Variants in PSG11 observed in about 807,000 individuals in gnomAD.
PSG11 encodes pregnancy specific beta-1-glycoprotein 11, also known as pregnancy-specific beta-1-glycoprotein 11.
In PSG11, 42 loss-of-function variants were observed where a neutral mutation model predicts 36.0. The ratio of observed to expected loss-of-function variants is 1.17; its 90% CI spans 0.91 to 1.51. The LOEUF is 1.51. PSG11 is among the 40% of genes most tolerant of loss of function. The pLI is 0.00. For missense variants in PSG11, 558 were observed against 403.5 expected (o/e 1.38, Z -3.28); for synonymous variants, 206 against 153.5 (o/e 1.34, Z -2.53).
Position 43,026,419 on chromosome 19 carries a change from T to C in PSG11, c.-47A>G. 1 of 1,597,182 alleles carries C rather than the reference T, an allele frequency of 6.3e-7. No homozygotes were observed. Among genetic ancestry groups the C allele is most frequent in the Non-Finnish European group, 8.6e-7 (1 of 1,169,480 alleles). ...CTCCTCTGTGGAGATGAGCCTAGGA[T>C]CCAGAAGCTTCCAGAGCACGGCTGT... On this transcript the variant is annotated 5_prime_UTR_variant, in exon 1 of 6. Transcript: ENST00000320078.
At chr19:43,009,275 T>G (rs1297528246) in intron 5 of PSG11, among the ~76,000 whole-genome samples, 1 of 151,272 alleles carries the variant, frequency 6.6e-6, no homozygotes, top group East Asian at 1.9e-4. Context: ...GGTCAGATGT[T>G]GCTTGTGATG....
chr19:43,009,278 T>C (rs996032706), intron 5 of PSG11, among the ~76,000 whole-genome samples: 1 of 151,274 alleles, frequency 6.6e-6, no homozygotes, highest in Non-Finnish European at 1.5e-5. Flanking sequence ...CAGATGTTGC[T>C]TGTGATGAAG....
At chr19:43,017,122 T>C (rs1350444907) in intron 3 of PSG11, 2 of 151,442 alleles carry the variant, frequency 1.3e-5, no homozygotes, top group East Asian at 1.9e-4. Flanking sequence ...TGTTCATGGG[T>C]GTGCAGTTTC....
At chr19:43,015,654 G>A (rs767578174) in intron 3 of PSG11, 34 of 1,528,176 alleles carry the variant, frequency 2.2e-5, no homozygotes, top group Admixed American at 1.8e-4. Flanking sequence ...TGGCCACCTC[G>A]GATGTCCAAA....
intron 5 of PSG11, among the ~76,000 whole-genome samples, chr19:43,008,787 A>C (rs1055937964): frequency 6.6e-6 from 1 of 151,366 alleles, no homozygotes; most frequent in African/African-American, 2.4e-5. Context: ...TGTATGTTGA[A>C]AAAGATCCTT....
chr19:43,009,050 G>A (rs1390185334), intron 5 of PSG11, among the ~76,000 whole-genome samples: 1 of 150,930 alleles, frequency 6.6e-6, no homozygotes, highest in Admixed American at 6.6e-5. Flanking sequence ...ATTTCTTGTG[G>A]CATTCAATTT....
chr19:43,025,181 A>T, intron 1 of PSG11, 125 bp from the exon 2 acceptor site: 1 of 1,378,118 alleles, frequency 7.3e-7, no homozygotes, highest in Non-Finnish European at 9.9e-7. Flanking sequence ...ACACACACAC[A>T]CACATACAAA....
At chr19:43,013,007 T>C (rs1974112888) in intron 4 of PSG11, among the ~76,000 whole-genome samples, 1 of 151,366 alleles carries the variant, frequency 6.6e-6, no homozygotes, top group South Asian at 2.1e-4. Context: ...TCATCGAGTG[T>C]GCCAAGATCA....
intron 4 of PSG11, 39 bp downstream of exon 4, chr19:43,015,077 C>T: frequency 3.1e-6 from 5 of 1,610,804 alleles, no homozygotes; most frequent in Non-Finnish European, 3.4e-6. Flanking sequence ...ATAGACTCCA[C>T]CTAAAACCCT....
rs929630272 is a variant in PSG11, at chr19:43,018,739, C to T, written c.709+31G>A. ...TGGCCATGTGTATTTGGGATGGCAG[C>T]CTGGCTCACAGAGGAACAGAAGATA... On this transcript the variant is annotated intron_variant, in intron 3 of 5. Transcript: ENST00000320078. 1.1e-5 allele frequency: 17 copies of T among 1,611,934 alleles called. 1 individual carries two copies. Among genetic ancestry groups the T allele is most frequent in the South Asian group, 7.7e-5 (7 of 90,838 alleles).
At chr19:43,009,374 A>G (rs1238800654) in intron 5 of PSG11, among the ~76,000 whole-genome samples, 2 of 151,374 alleles carry the variant, frequency 1.3e-5, no homozygotes, top group Non-Finnish European at 2.9e-5. Context: ...TTTTATGTCT[A>G]TATGGGTGAA....
chr19:43,015,795 G>T (rs768997488), intron 3 of PSG11: 1 of 1,610,436 alleles, frequency 6.2e-7, no homozygotes, highest in African/African-American at 1.3e-5. Flanking sequence ...CTGAGTCACT[G>T]CGGATGCCAC....
chr19:43,019,172 GGT>G, intron 2 of PSG11, 124 bp from the exon 3 acceptor site: 1 of 1,515,250 alleles, frequency 6.6e-7, no homozygotes, highest in Non-Finnish European at 8.8e-7. Flanking sequence ...GCCCATGGCA[GGT>G]GTGTGTGTTA....
Position 43,015,344 on chromosome 19 carries a change from G to A in PSG11, c.736C>T (p.Pro246Ser). The part of the protein sequence containing the change: ...LHGPDLPRIF[P>S]SVTSYYSGEN... ...CCTGAATAGTAAGAGGTGACTGAAG[G>A]GAAAATTCTGGGGAGGTCTGGACCA... is the stretch of plus-strand genomic sequence containing the variant. Residue 246 changes from proline (P) to serine (S), a missense_variant, in exon 4 of 6, where the codon CCT becomes TCT. Pro to Ser is a moderately conservative substitution (Grantham distance 74). Coordinates refer to ENST00000320078, the MANE Select transcript of PSG11 (RefSeq NM_002785.3). 1 of 1,610,646 alleles carries A rather than the reference G, an allele frequency of 6.2e-7. No individual in the cohort carries two copies. The highest frequency in any genetic ancestry group is 8.5e-7 in the Non-Finnish European group (1 of 1,177,920).
intron 4 of PSG11, 199 bp from the exon 5 acceptor site, chr19:43,010,240 A>T (rs1974039840): frequency 6.9e-7 from 1 of 1,453,518 alleles, no homozygotes; most frequent in Non-Finnish European, 9.1e-7. Context: ...GTTGGTGATC[A>T]GTCCTCTGTC....
At chr19:43,022,340 G>A (rs1169290717) in intron 2 of PSG11, among the ~76,000 whole-genome samples, 2 of 151,218 alleles carry the variant, frequency 1.3e-5, no homozygotes, top group Non-Finnish European at 2.9e-5. Flanking sequence ...TATGACTAAT[G>A]GCTCAGCCCG....
intron 3 of PSG11, among the ~76,000 whole-genome samples, chr19:43,018,006 T>C (rs1489671389): frequency 1.3e-5 from 2 of 151,200 alleles, no homozygotes; most frequent in Non-Finnish European, 2.9e-5. Context: ...TTCCCTGTCC[T>C]GGGTTTTTGA....
chr19:43,009,910 T>A, intron 5 of PSG11, 48 bp downstream of exon 5: 1 of 1,396,582 alleles, frequency 7.2e-7, no homozygotes. Flanking sequence ...CTCCCAAGCA[T>A]GGCAGTCAGC....
chr19:43,025,916 C>CTTTTTTTTTTTTTTTTTTTTTCT (rs747657112), intron 1 of PSG11, among the ~76,000 whole-genome samples: 1 of 61,998 alleles, frequency 1.6e-5, no homozygotes, highest in African/African-American at 6.3e-5. Context: ...GCCTTCTTTC[C>CTTTTTTTTTTTTTTTTTTTTTCT]TTTTTTTTTT....
Sources: allele counts gnomAD v4.1 joint callset (sites outside exome capture counted in the v4.1 genomes callset), GRCh38; gene constraint gnomAD v4.1.1; transcripts MANE v1.5; gene names NCBI Gene and HGNC (gene_info 2026-07-23, HGNC 2026-07-21).